DENND1A: variants seen among roughly 807,000 people sequenced by gnomAD.
DENND1A encodes DENN domain containing 1A, also known as DENN domain-containing protein 1A.
A neutral mutation model predicts 113.7 loss-of-function variants in DENND1A; 51 were observed. The ratio of observed to expected loss-of-function variants is 0.45; its 90% CI spans 0.36 to 0.57. The LOEUF is 0.57. Ranked by LOEUF, DENND1A falls within the 20% of genes least tolerant of loss-of-function variation. The probability of loss-of-function intolerance (pLI) is 0.00; values close to 1 mark genes in which losing one functional copy is unlikely to be tolerated. For synonymous variants in DENND1A, 565 were observed against 570.8 expected (o/e 0.99, Z 0.14); for missense variants, 1,258 against 1,395.9 (o/e 0.90, Z 1.57).
chr9:123,435,008 C>G (rs1307981239), intron 19 of DENND1A, among the ~76,000 whole-genome samples: 1 of 152,128 alleles, frequency 6.6e-6, no homozygotes, highest in East Asian at 1.9e-4. Flanking sequence ...AGGAGAGGAT[C>G]TGGGGAGAAG....
intron 19 of DENND1A, among the ~76,000 whole-genome samples, chr9:123,438,879 T>C (rs1451896727): frequency 1.3e-5 from 2 of 152,258 alleles, no homozygotes; most frequent in Non-Finnish European, 2.9e-5. Context: ...AAATAGGGCC[T>C]CCTTTTTTTG....
chr9:123,691,541 T>G (rs79955808), intron 5 of DENND1A, among the ~76,000 whole-genome samples: 112 of 112,114 alleles, frequency 1.0e-3, no homozygotes, highest in Non-Finnish European at 1.6e-3. Flanking sequence ...CTTTGTGTGA[T>G]TTTTTTTTTT....
In DENND1A at chr9:123,450,870, T is replaced by A. The variant is rs77949455; in HGVS notation, c.1300-121A>T. The A allele has an allele frequency of 9.3e-3, 6,823 of 731,462 alleles. 42 individuals carry two copies. Among genetic ancestry groups the A allele is most frequent in the Non-Finnish European group, 0.012 (5,455 of 463,292 alleles). The allele number at this position is 731,462 out of a possible 1,614,324, so 45.3% of individuals were successfully genotyped here. Reference sequence around the variant, plus strand: ...CTAGAAAAAGGAAGGAAAAATGGGATCATCAAGTCGAAAACATAATGGCTA... The same window carrying A: ...CTAGAAAAAGGAAGGAAAAATGGGAACATCAAGTCGAAAACATAATGGCTA... On this transcript the variant is annotated intron_variant, in intron 17 of 23. Coordinates refer to ENST00000394215, the MANE Select transcript of DENND1A (RefSeq NM_001352964.2).
At chr9:123,588,477 G>T (rs983301035) in intron 11 of DENND1A, among the ~76,000 whole-genome samples, 1 of 149,260 alleles carries the variant, frequency 6.7e-6, no homozygotes, top group Non-Finnish European at 1.5e-5. Flanking sequence ...AAAATTAGCC[G>T]GGTGTGGTGG....
At chr9:123,714,183 C>T (rs1045793711) in intron 5 of DENND1A, among the ~76,000 whole-genome samples, 3 of 152,228 alleles carry the variant, frequency 2.0e-5, no homozygotes, top group Admixed American at 6.5e-5. Context: ...CTGGGACTAG[C>T]GTCCTCTCAC....
intron 5 of DENND1A, among the ~76,000 whole-genome samples, chr9:123,685,009 A>G (rs545323970): frequency 1.5e-4 from 23 of 152,332 alleles, no homozygotes; most frequent in African/African-American, 5.5e-4. Context: ...ACTGATTGCA[A>G]AGTCAGGAGA....
chr9:123,551,779 C>T (rs2057060355), intron 13 of DENND1A, among the ~76,000 whole-genome samples: 1 of 152,180 alleles, frequency 6.6e-6, no homozygotes, highest in Non-Finnish European at 1.5e-5. Context: ...GGAGCCAACA[C>T]TGGCCCTCCC....
intron 17 of DENND1A, 90 bp from the exon 18 acceptor site, chr9:123,450,839 T>C (rs867178655): frequency 3.9e-6 from 4 of 1,035,706 alleles, no homozygotes; most frequent in African/African-American, 3.3e-5. Flanking sequence ...TCACCTTCTC[T>C]GATTACTAGA....
At chr9:123,621,160 C>CA (rs149552612) in intron 10 of DENND1A, among the ~76,000 whole-genome samples, 28 of 139,480 alleles carry the variant, frequency 2.0e-4, no homozygotes, top group African/African-American at 4.5e-4. Flanking sequence ...TTAGTTGATG[C>CA]AAAAAAAAAA....
chr9:123,507,067 T>C (rs1424463778), intron 13 of DENND1A, among the ~76,000 whole-genome samples: 1 of 152,226 alleles, frequency 6.6e-6, no homozygotes, highest in East Asian at 1.9e-4. Flanking sequence ...CACGTGCCTG[T>C]AATCCCAGCT....
rs576839786 is a variant in DENND1A at position 123,389,771 on chromosome 9, TCTCA to T, written c.1632-1917_1632-1914del. 4.7e-4 allele frequency among the ~76,000 whole-genome samples: 72 copies of T among 152,348 alleles called. 1 individual carries two copies. The South Asian group carries it at 0.015, about 31-fold the overall frequency. On this transcript the variant is annotated intron_variant, in intron 21 of 23. Transcript: ENST00000394215. ...TGTTTCAAAGTGAGGGGGAGCCCAC[TCTCA>T]CTCTGCAGCACTGACTGCTCTCCTG...
intron 13 of DENND1A, among the ~76,000 whole-genome samples, chr9:123,499,985 T>C (rs1426099874): frequency 6.6e-6 from 1 of 152,196 alleles, no homozygotes; most frequent in Non-Finnish European, 1.5e-5. Context: ...CCCTTCACAC[T>C]GGGCAAAGGA....
chr9:123,488,806 T>C (rs554066585), intron 13 of DENND1A, among the ~76,000 whole-genome samples: 1 of 152,146 alleles, frequency 6.6e-6, no homozygotes, highest in African/African-American at 2.4e-5. Context: ...GTATCCCTCA[T>C]GCGGTGCGCT....
intron 12 of DENND1A, 148 bp downstream of exon 12, chr9:123,583,021 G>T (rs1410131349): frequency 1.7e-6 from 1 of 585,864 alleles, no homozygotes; most frequent in Non-Finnish European, 3.0e-6. Context: ...TCTACACTGA[G>T]ACAAAGGTTT....
At chr9:123,856,147 A>G (rs1372280953) in intron 2 of DENND1A, among the ~76,000 whole-genome samples, 1 of 152,178 alleles carries the variant, frequency 6.6e-6, no homozygotes, top group Non-Finnish European at 1.5e-5. Context: ...AACATAGGAA[A>G]AGATCAAGAA....
intron 5 of DENND1A, among the ~76,000 whole-genome samples, chr9:123,729,941 T>C (rs1218103477): frequency 1.3e-5 from 2 of 152,034 alleles, no homozygotes; most frequent in African/African-American, 4.8e-5. Flanking sequence ...ACAGAGGCCT[T>C]AGAAATCATG....
chr9:123,429,470 G>A (rs887402277), intron 19 of DENND1A, among the ~76,000 whole-genome samples: 19 of 152,228 alleles, frequency 1.2e-4, no homozygotes, highest in East Asian at 7.7e-4. Flanking sequence ...TATGAGAATC[G>A]CTTGAACCTG....
intron 13 of DENND1A, among the ~76,000 whole-genome samples, chr9:123,476,605 C>T (rs2049934605): frequency 6.6e-6 from 1 of 152,186 alleles, no homozygotes; most frequent in Non-Finnish European, 1.5e-5. Flanking sequence ...TGGGTTAGAC[C>T]TTCACAAAGT....
At chr9:123,425,574 G>C (rs996206362) in intron 19 of DENND1A, among the ~76,000 whole-genome samples, 2 of 152,206 alleles carry the variant, frequency 1.3e-5, no homozygotes, top group Non-Finnish European at 2.9e-5. Flanking sequence ...TCTTCCCCAC[G>C]TCACTGCCTT....
Sources: gnomAD v4.1 joint callset for allele counts (sites outside exome capture counted in the v4.1 genomes callset) on GRCh38, gnomAD v4.1.1 for gene constraint, MANE v1.5 for transcripts, NCBI Gene and HGNC (gene_info 2026-07-23, HGNC 2026-07-21) for gene names.